GARIN1B: variants seen among roughly 807,000 people sequenced by gnomAD.
GARIN1B encodes Golgi-associated RAB2 interactor protein 1B.
chr7:128,731,066 T>C, the GARIN1B span: 4 of 1,596,248 alleles, frequency 2.5e-6, no homozygotes, highest in East Asian at 8.9e-5. Context: ...GTAATTTATA[T>C]CCTATCAAAC....
At chr7:128,711,814 G>A in the GARIN1B span, among the ~76,000 whole-genome samples, 5 of 152,178 alleles carry the variant, frequency 3.3e-5, no homozygotes, top group South Asian at 6.2e-4. Flanking sequence ...GCCAAGGTGC[G>A]TGGATTGCTT....
the GARIN1B span, chr7:128,726,866 G>C: frequency 6.2e-7 from 1 of 1,614,006 alleles, no homozygotes; most frequent in Non-Finnish European, 8.5e-7. Context: ...AACAAGAACA[G>C]CTCAGGTAAG....
At chr7:128,723,701 A>G in the GARIN1B span, among the ~76,000 whole-genome samples, 1 of 151,838 alleles carries the variant, frequency 6.6e-6, no homozygotes, top group Non-Finnish European at 1.5e-5. Flanking sequence ...TAGTAGAGAC[A>G]GGGTTTCACC....
At chr7:128,719,697 C>CTTT in the GARIN1B span, among the ~76,000 whole-genome samples, 118 of 99,008 alleles carry the variant, frequency 1.2e-3, 2 homozygotes, top group African/African-American at 1.8e-3. Flanking sequence ...TTTTGTTTTG[C>CTTT]TTTTTTTTTT....
At chr7:128,709,581 G>T in the GARIN1B span, among the ~76,000 whole-genome samples, 1 of 152,034 alleles carries the variant, frequency 6.6e-6, no homozygotes, top group Non-Finnish European at 1.5e-5. Context: ...ATCTAAACTT[G>T]CTGGAAAGAG....
chr7:128,716,928 T>G, the GARIN1B span: 47 of 1,613,734 alleles, frequency 2.9e-5, no homozygotes, highest in African/African-American at 8.0e-5. Flanking sequence ...ATGGCCAGTG[T>G]CAAATGGCAC....
the GARIN1B span, among the ~76,000 whole-genome samples, chr7:128,709,750 C>CTGTCTTTTTTTTTTTTTTT: frequency 8.7e-6 from 1 of 114,618 alleles, no homozygotes. Context: ...CTCTCTCTCT[C>CTGTCTTTTTTTTTTTTTTT]TTTTTTTTTT....
the GARIN1B span, among the ~76,000 whole-genome samples, chr7:128,712,048 A>T: frequency 6.6e-6 from 1 of 152,082 alleles, no homozygotes; most frequent in East Asian, 1.9e-4. Flanking sequence ...CTCAAAAAAC[A>T]AAAACAAAAA....
the GARIN1B span, among the ~76,000 whole-genome samples, chr7:128,724,506 T>C: frequency 6.6e-6 from 1 of 152,156 alleles, no homozygotes; most frequent in Admixed American, 6.5e-5. Flanking sequence ...ATCTATCTTC[T>C]TCATGGCTGA....
At chr7:128,714,771 C>G in the GARIN1B span, among the ~76,000 whole-genome samples, 1 of 152,134 alleles carries the variant, frequency 6.6e-6, no homozygotes, top group African/African-American at 2.4e-5. Context: ...TGGGACCTAG[C>G]AGAGCTGCTC....
chr7:128,712,841 T>C, the GARIN1B span, among the ~76,000 whole-genome samples: 1 of 152,230 alleles, frequency 6.6e-6, no homozygotes, highest in Non-Finnish European at 1.5e-5. Context: ...CCTAATTTCC[T>C]GTAAATTAAC....
chr7:128,731,406 A>T, the GARIN1B span: 1 of 505,374 alleles, frequency 2.0e-6, no homozygotes, highest in Non-Finnish European at 3.6e-6. Context: ...AAGTAGGACC[A>T]GAGAAGTGGA....
the GARIN1B span, among the ~76,000 whole-genome samples, chr7:128,710,104 G>C: frequency 6.6e-6 from 1 of 152,070 alleles, no homozygotes; most frequent in Non-Finnish European, 1.5e-5. Flanking sequence ...TGTTTGTAGA[G>C]ACAGGGTTTT....
At chr7:128,713,988 A>G in the GARIN1B span, 6 of 1,528,670 alleles carry the variant, frequency 3.9e-6, no homozygotes, top group East Asian at 2.5e-5. Context: ...GAATGTGACC[A>G]TGAAGACACT....
the GARIN1B span, chr7:128,724,909 AT>A: frequency 7.8e-7 from 1 of 1,274,124 alleles, no homozygotes; most frequent in Non-Finnish European, 1.0e-6. Context: ...GGCCCAAGTC[AT>A]TGCTCTGACT....
chr7:128,709,281 T>C, the GARIN1B span: 3 of 152,222 alleles, frequency 2.0e-5, no homozygotes, highest in Non-Finnish European at 2.9e-5. Context: ...ACATCTTAAG[T>C]AGTACAGCTT....
the GARIN1B span, among the ~76,000 whole-genome samples, chr7:128,730,810 C>T: frequency 9.5e-3 from 1,448 of 152,202 alleles, 24 homozygotes; most frequent in African/African-American, 0.033. Context: ...CCACGCCCAG[C>T]TAATTTTTGT....
chr7:128,722,916 A>G, the GARIN1B span, among the ~76,000 whole-genome samples: 1 of 152,224 alleles, frequency 6.6e-6, no homozygotes, highest in Non-Finnish European at 1.5e-5. Context: ...TAGGCTATTC[A>G]TACATTATAT....
the GARIN1B span, among the ~76,000 whole-genome samples, chr7:128,712,615 G>T: frequency 1.3e-5 from 2 of 152,204 alleles, no homozygotes; most frequent in African/African-American, 2.4e-5. Flanking sequence ...ATGATACCTT[G>T]CACTGCCAAA....
Sources: gnomAD v4.1 joint callset for allele counts (sites outside exome capture counted in the v4.1 genomes callset) on GRCh38, gnomAD v4.1.1 for gene constraint, MANE v1.5 for transcripts, NCBI Gene and HGNC (gene_info 2026-07-23, HGNC 2026-07-21) for gene names.